Variants in HDAC9 observed in about 807,000 individuals in gnomAD.
HDAC9 encodes MEF-2 interacting transcription repressor (MITR) protein.
In HDAC9, 41 loss-of-function variants were observed where a neutral mutation model predicts 139.4. That is an observed-to-expected ratio of 0.29 (90% CI 0.23 to 0.38). HDAC9 has a LOEUF of 0.38. HDAC9 is among the 10% of genes least tolerant of loss of function. The pLI is 1.00. For missense variants in HDAC9, 1,147 were observed against 1,297.0 expected (o/e 0.88, Z 1.78); for synonymous variants, 517 against 476.2 (o/e 1.09, Z -1.12).
intron 1 of HDAC9, among the ~76,000 whole-genome samples, chr7:18,415,142 C>G (rs1788930310): frequency 6.6e-6 from 1 of 152,170 alleles, no homozygotes; most frequent in Non-Finnish European, 1.5e-5. Context: ...GGTGAGAACT[C>G]TAATCCTCTC....
chr7:18,599,828 G>A (rs998185259), intron 6 of HDAC9, among the ~76,000 whole-genome samples: 2 of 152,120 alleles, frequency 1.3e-5, no homozygotes, highest in African/African-American at 4.8e-5. Flanking sequence ...GGATCATGTG[G>A]TAAGACTTGT....
At chr7:18,758,148 T>C (rs1259742645) in intron 14 of HDAC9, among the ~76,000 whole-genome samples, 5 of 152,174 alleles carry the variant, frequency 3.3e-5, no homozygotes, top group African/African-American at 1.2e-4. Flanking sequence ...GTTTCATTCC[T>C]AGGCCTGTGT....
chr7:18,473,640 A>G (rs1008113820), intron 1 of HDAC9, among the ~76,000 whole-genome samples: 7 of 152,234 alleles, frequency 4.6e-5, no homozygotes, highest in Non-Finnish European at 7.3e-5. Context: ...CAAAACATAC[A>G]TCGAGTGGTC....
intron 1 of HDAC9, among the ~76,000 whole-genome samples, chr7:18,110,619 TAA>T (rs747258794): frequency 2.0e-5 from 3 of 152,014 alleles, no homozygotes; most frequent in Non-Finnish European, 4.4e-5. Context: ...AGTGCTGGGG[TAA>T]AGAGTTTGGA....
chr7:18,475,884 A>G (rs1402861615), intron 1 of HDAC9, among the ~76,000 whole-genome samples: 1 of 152,236 alleles, frequency 6.6e-6, no homozygotes, highest in African/African-American at 2.4e-5. Context: ...TTTGCTCTGC[A>G]TGTAGCTCTA....
chr7:18,940,789 C>T (rs1035627027), intron 23 of HDAC9, among the ~76,000 whole-genome samples: 5 of 152,116 alleles, frequency 3.3e-5, no homozygotes, highest in Admixed American at 6.5e-5. Flanking sequence ...GGGTTACTTC[C>T]TCTGAAAGAA....
At chr7:18,241,089 C>T (rs1236917682) in intron 2 of HDAC9, among the ~76,000 whole-genome samples, 1 of 152,120 alleles carries the variant, frequency 6.6e-6, no homozygotes, top group African/African-American at 2.4e-5. Flanking sequence ...TTGAGATGGT[C>T]GTTCTTTCTA....
At chr7:18,852,527 G>A (rs915774443) in intron 21 of HDAC9, among the ~76,000 whole-genome samples, 14 of 152,302 alleles carry the variant, frequency 9.2e-5, no homozygotes, top group East Asian at 3.9e-4. Flanking sequence ...TAGGTACAGG[G>A]ACTTGGAAAA....
chr7:18,131,216 C>A (rs941175066), intron 1 of HDAC9, among the ~76,000 whole-genome samples: 1 of 152,024 alleles, frequency 6.6e-6, no homozygotes, highest in Non-Finnish European at 1.5e-5. Context: ...ACATACGTAC[C>A]CAAATCTCTT....
intron 2 of HDAC9, among the ~76,000 whole-genome samples, chr7:18,252,712 C>T (rs1382889764): frequency 1.1e-5 from 1 of 87,076 alleles, no homozygotes; most frequent in African/African-American, 3.9e-5. Flanking sequence ...CCTGAAATCA[C>T]ATACTTTTTT....
At chr7:18,398,600 G>A (rs894024867) in intron 1 of HDAC9, among the ~76,000 whole-genome samples, 6 of 152,076 alleles carry the variant, frequency 3.9e-5, no homozygotes, top group Middle Eastern at 3.2e-3. Context: ...TTGTGCGTAT[G>A]AGCCTTTGCT....
rs1378746538 is a variant in HDAC9, at chr7:18,495,768, G to C, written c.-297G>C. 17 of 994,184 alleles carry C rather than the reference G, an allele frequency of 1.7e-5. No individual in the cohort carries two copies. The highest frequency in any genetic ancestry group is 2.0e-5 in the Non-Finnish European group (17 of 836,058). 61.6% of individuals were successfully genotyped at this position (994,184 alleles called of 1,614,324 possible). Reference sequence around the variant, plus strand: ...AAGGGGGAAGAGAGGCACAGACACAGATAGGAGAAGGGCACCGGCTGGAGC... The same window carrying C: ...AAGGGGGAAGAGAGGCACAGACACACATAGGAGAAGGGCACCGGCTGGAGC... On this transcript the variant is annotated 5_prime_UTR_variant, in exon 1 of 26. Coordinates refer to ENST00000686413, the MANE Select transcript of HDAC9 (RefSeq NM_178425.4).
chr7:18,933,594 C>T (rs556553313), intron 22 of HDAC9, among the ~76,000 whole-genome samples: 3 of 151,620 alleles, frequency 2.0e-5, no homozygotes, highest in Admixed American at 2.0e-4. Context: ...TATAAAGTTA[C>T]AATGAATACA....
In HDAC9 at chr7:18,979,922, T is replaced by A. The variant is rs150278647; in HGVS notation, c.3170+3969T>A. Among the ~76,000 whole-genome samples the A allele has an allele frequency of 9.1e-4, 139 of 152,280 alleles. 2 individuals carry two copies. Among genetic ancestry groups the A allele is most frequent in the African/African-American group, 3.2e-3 (132 of 41,550 alleles). On this transcript the variant is annotated intron_variant, in intron 25 of 25. Transcript: ENST00000686413. ...TCTCATGAGGCCCCACCTCCCACAC[T>A]GGGGATTATATTTCAAAATGAGATT...
At position 18,708,547 on chromosome 7, in the gene HDAC9, G is replaced by A. The variant is rs940292876; in HGVS notation, c.1732-19033G>A. Among the ~76,000 whole-genome samples the A allele has an allele frequency of 7.2e-5, 11 of 152,302 alleles. No individual in the cohort carries two copies. In the South Asian group the frequency reaches 2.1e-3, roughly 29 times the overall value. On this transcript the variant is annotated intron_variant, in intron 12 of 25. Coordinates refer to ENST00000686413, the MANE Select transcript of HDAC9 (RefSeq NM_178425.4). ...GGAAACATGATTATTTTGAGTGCCT[G>A]AAGTAATAAACAATAGAGTTTGTAC... is the stretch of plus-strand genomic sequence containing the variant.
chr7:18,358,652 C>T (rs1457807199), intron 1 of HDAC9, among the ~76,000 whole-genome samples: 1 of 152,124 alleles, frequency 6.6e-6, no homozygotes, highest in Non-Finnish European at 1.5e-5. Flanking sequence ...TTGTTAGGAA[C>T]TTATCTTTTA....
chr7:18,797,723 G>C (rs1014412010), intron 17 of HDAC9, among the ~76,000 whole-genome samples: 4 of 151,996 alleles, frequency 2.6e-5, no homozygotes, highest in African/African-American at 7.3e-5. Flanking sequence ...CAGCTATGTG[G>C]GAGGCTGAGA....
intron 17 of HDAC9, among the ~76,000 whole-genome samples, chr7:18,796,382 T>C (rs947312764): frequency 2.0e-5 from 3 of 152,204 alleles, no homozygotes; most frequent in Non-Finnish European, 4.4e-5. Flanking sequence ...CCAGGGGATA[T>C]TGATGAGCTG....
rs1563229989 is a variant in HDAC9 at position 18,547,857 on chromosome 7, T to TTCCTTCCTTCCTTCCTTCCC, written c.23-37424_23-37423insTCCTTCCTTCCTTCCTTCCC. Among the ~76,000 whole-genome samples the TTCCTTCCTTCCTTCCTTCCC allele has an allele frequency of 3.4e-5, 4 of 118,456 alleles. 1 individual carries two copies. The highest frequency in any genetic ancestry group is 1.6e-4 in the African/African-American group (4 of 25,350). 77.7% of individuals were successfully genotyped at this position (118,456 alleles called of 152,430 possible). A position where few individuals can be genotyped will look rare whatever the true frequency, so the allele number is the denominator to read the frequency against. ...CTTCCTTCCTTCCTTCCTTCCTTCC[T>TTCCTTCCTTCCTTCCTTCCC]ACCCTCCCTCCCTCCCTCCCTCCCT... is the stretch of plus-strand genomic sequence containing the variant. On this transcript the variant is annotated intron_variant, in intron 2 of 25. Coordinates refer to ENST00000686413, the MANE Select transcript of HDAC9 (RefSeq NM_178425.4).
Sources: allele counts gnomAD v4.1 joint callset (sites outside exome capture counted in the v4.1 genomes callset), GRCh38; gene constraint gnomAD v4.1.1; transcripts MANE v1.5; gene names NCBI Gene and HGNC (gene_info 2026-07-23, HGNC 2026-07-21).